The following MAPRE2 variants were observed in gnomAD, a reference collection of about 807,000 sequenced individuals.
MAPRE2 encodes microtubule-associated protein RP/EB family member 2.
MAPRE2 carries 13 observed loss-of-function variants against 43.2 expected under a neutral mutation model. The observed-to-expected ratio is 0.30, with a 90% CI of 0.20 to 0.48. The LOEUF (loss-of-function observed/expected upper bound fraction) is 0.48, where lower values mean the gene tolerates loss of function less well. Ranked by LOEUF, MAPRE2 falls within the 20% of genes least tolerant of loss-of-function variation. The pLI, the probability that MAPRE2 is intolerant of heterozygous loss-of-function variation, is 0.99. For synonymous variants in MAPRE2, 135 were observed against 148.8 expected, an observed-to-expected ratio of 0.91 and a Z score of 0.68; for missense variants, 161 against 400.2, an observed-to-expected ratio of 0.40 and a Z score of 5.10.
At chr18:35,059,647 G>T (rs1379087457) in intron 1 of MAPRE2, among the ~76,000 whole-genome samples, 1 of 152,170 alleles carries the variant, frequency 6.6e-6, no homozygotes, top group Admixed American at 6.5e-5. Flanking sequence ...ATCACCGAGG[G>T]CAGAGTAGAG....
chr18:35,015,184 A>G (rs1417876542), intron 2 of MAPRE2, among the ~76,000 whole-genome samples: 1 of 152,056 alleles, frequency 6.6e-6, no homozygotes, highest in East Asian at 1.9e-4. Flanking sequence ...TGCCATCAAC[A>G]AGTTGGTGAT....
chr18:35,102,933 A>G (rs954883123), intron 4 of MAPRE2, among the ~76,000 whole-genome samples: 1 of 152,176 alleles, frequency 6.6e-6, no homozygotes, highest in Admixed American at 6.6e-5. Flanking sequence ...CAAACTTGTT[A>G]AATCAGTAAC....
At chr18:35,006,350 AGT>A in intron 2 of MAPRE2, among the ~76,000 whole-genome samples, 1 of 152,282 alleles carries the variant, frequency 6.6e-6, no homozygotes, top group South Asian at 2.1e-4. Flanking sequence ...TTAAAAAAAA[AGT>A]GTGTGGGGAC....
chr18:35,128,084 C>G (rs541265742), intron 5 of MAPRE2, among the ~76,000 whole-genome samples: 1 of 152,162 alleles, frequency 6.6e-6, no homozygotes, highest in Non-Finnish European at 1.5e-5. Context: ...TTAAAAACAG[C>G]TTTTGTGATA....
intron 4 of MAPRE2, among the ~76,000 whole-genome samples, chr18:35,102,471 C>A (rs1273695805): frequency 6.6e-6 from 1 of 152,102 alleles, no homozygotes. Flanking sequence ...TTTCAAGTAG[C>A]CTGTTTAGAT....
intron 2 of MAPRE2, among the ~76,000 whole-genome samples, chr18:35,009,099 AC>A (rs1263005753): frequency 3.3e-5 from 5 of 152,158 alleles, no homozygotes; most frequent in Non-Finnish European, 4.4e-5. Context: ...AGAGCATTTG[AC>A]TTTACTGGGG....
chr18:35,127,368 C>T (rs532455), intron 5 of MAPRE2: 119,978 of 345,014 alleles, frequency 0.35, 26,664 homozygotes, highest in African/African-American at 0.74. Context: ...TCCTCAGGGC[C>T]GTCAAGAGCT....
intron 1 of MAPRE2, among the ~76,000 whole-genome samples, chr18:35,043,767 T>C (rs927354117): frequency 6.6e-6 from 1 of 152,212 alleles, no homozygotes; most frequent in Admixed American, 6.5e-5. Context: ...ATTGCATTTG[T>C]CTTGTGTTAT....
At chr18:35,109,474 T>A (rs1023626380) in intron 4 of MAPRE2, among the ~76,000 whole-genome samples, 2 of 152,176 alleles carry the variant, frequency 1.3e-5, no homozygotes, top group Admixed American at 6.5e-5. Flanking sequence ...TTTAAAATAG[T>A]TTTTTACTAA....
intron 1 of MAPRE2, among the ~76,000 whole-genome samples, chr18:35,047,415 T>C (rs566024): frequency 0.15 from 22,420 of 152,136 alleles, 1,758 homozygotes; most frequent in East Asian, 0.3. Flanking sequence ...ATTGGTATCA[T>C]ACAAACCTTG....
At chr18:35,070,161 C>T (rs755101406) in intron 1 of MAPRE2, 34 bp from the exon 2 acceptor site, 3 of 1,560,092 alleles carry the variant, frequency 1.9e-6, no homozygotes, top group South Asian at 1.2e-5. Context: ...GAGTTAATTT[C>T]CTTGTTGTTA....
chr18:35,131,831 C>A lies in MAPRE2; in HGVS notation c.751-201C>A, dbSNP rs914753824. 5.3e-6 allele frequency: 3 copies of A among 568,982 alleles called. No individual in the cohort carries two copies. The African/African-American group carries it at 5.6e-5, about 11-fold the overall frequency. The allele number at this position is 568,982 out of a possible 1,614,324, so 35.2% of individuals were successfully genotyped here. On this transcript the variant is annotated intron_variant, in intron 5 of 6. Transcript: ENST00000300249. Reference sequence around the variant, plus strand: ...CGCTCAGTTGCCTGAAGGGAATGACCAGAGTGCTGTGGAGAATTGGACGTT... The same window carrying A: ...CGCTCAGTTGCCTGAAGGGAATGACAAGAGTGCTGTGGAGAATTGGACGTT...
chr18:35,020,757 T>C (rs2097041444), intron 2 of MAPRE2, among the ~76,000 whole-genome samples: 1 of 152,184 alleles, frequency 6.6e-6, no homozygotes, highest in Non-Finnish European at 1.5e-5. Context: ...AAAAGCTGTG[T>C]CCATAAATTT....
chr18:35,101,198 G>A (rs1908661478), intron 3 of MAPRE2, among the ~76,000 whole-genome samples: 1 of 152,162 alleles, frequency 6.6e-6, no homozygotes. Context: ...GGCTTGTTCA[G>A]AAGTACTAAA....
At chr18:35,108,809 C>G (rs1221415462) in intron 4 of MAPRE2, among the ~76,000 whole-genome samples, 2 of 151,638 alleles carry the variant, frequency 1.3e-5, no homozygotes, top group East Asian at 3.9e-4. Flanking sequence ...TCTTTGCCCA[C>G]TTTCTAATGG....
Position 35,140,475 on chromosome 18 carries a change from C to A in MAPRE2, c.*106C>A. 9.2e-7 allele frequency: 1 copy of A among 1,082,714 alleles called. No homozygotes were observed. Among genetic ancestry groups the A allele is most frequent in the Non-Finnish European group, 1.3e-6 (1 of 743,634 alleles). The allele number at this position is 1,082,714 out of a possible 1,614,324, so 67.1% of individuals were successfully genotyped here. A position where few individuals can be genotyped will look rare whatever the true frequency, so the allele number is the denominator to read the frequency against. ...TCAACAGAAACCAGTTGTTCCCAATCTGCCGTTACCATCAACGCACTGTTG... is the reference window on the plus strand; with the variant it reads ...TCAACAGAAACCAGTTGTTCCCAATATGCCGTTACCATCAACGCACTGTTG... On this transcript the variant is annotated 3_prime_UTR_variant, in exon 7 of 7. Transcript: ENST00000300249.
intron 1 of MAPRE2, among the ~76,000 whole-genome samples, chr18:35,065,564 A>AT (rs1040564855): frequency 7.7e-4 from 115 of 149,456 alleles, no homozygotes; most frequent in African/African-American, 2.5e-3. Flanking sequence ...TATCTTTTTT[A>AT]TTTTTTTTTG....
At chr18:34,998,100 A>G (rs1003230448) in intron 1 of MAPRE2, among the ~76,000 whole-genome samples, 7 of 152,148 alleles carry the variant, frequency 4.6e-5, no homozygotes, top group African/African-American at 7.2e-5. Context: ...TTTTTTTTCT[A>G]TCAAGGAATT....
chr18:35,055,463 G>C (rs1176173137), intron 1 of MAPRE2, among the ~76,000 whole-genome samples: 1 of 151,820 alleles, frequency 6.6e-6, no homozygotes, highest in Non-Finnish European at 1.5e-5. Flanking sequence ...TATCTGCAAA[G>C]ACCTTTTTCC....
Sources: allele counts gnomAD v4.1 joint callset (sites outside exome capture counted in the v4.1 genomes callset), GRCh38; gene constraint gnomAD v4.1.1; transcripts MANE v1.5; gene names NCBI Gene and HGNC (gene_info 2026-07-23, HGNC 2026-07-21).